TEX9: variants seen among roughly 807,000 people sequenced by gnomAD.
TEX9 encodes the protein testis-expressed protein 9.
In TEX9, 74 loss-of-function variants were observed where a neutral mutation model predicts 59.6. That is an observed-to-expected ratio of 1.24 (90% CI 1.03 to 1.51). TEX9 has a LOEUF of 1.51. Ranked by LOEUF, TEX9 falls within the 40% of genes most tolerant of loss-of-function variation. TEX9 has a pLI of 0.00. For missense variants in TEX9, 522 were observed against 447.8 expected, an observed-to-expected ratio of 1.17 and a Z score of -1.49; for synonymous variants, 186 against 152.2, an observed-to-expected ratio of 1.22 and a Z score of -1.64.
At chr15:56,247,982 A>G (rs932431866) in intron 1 of TEX9, among the ~76,000 whole-genome samples, 2 of 152,104 alleles carry the variant, frequency 1.3e-5, no homozygotes, top group Non-Finnish European at 2.9e-5. Context: ...AAGGCTTTTC[A>G]CCTCTCCCAA....
intron 8 of TEX9, 31 bp downstream of exon 8, chr15:56,394,278 A>C: frequency 6.6e-7 from 1 of 1,522,860 alleles, no homozygotes; most frequent in South Asian, 1.3e-5. Context: ...AAAAGGCTCT[A>C]ATATTCAAAG....
At chr15:56,307,969 T>C (rs2045521595) in intron 1 of TEX9, among the ~76,000 whole-genome samples, 1 of 152,244 alleles carries the variant, frequency 6.6e-6, no homozygotes, top group African/African-American at 2.4e-5. Context: ...ATTTTGTTTA[T>C]CCATTCAGTA....
intron 1 of TEX9, among the ~76,000 whole-genome samples, chr15:56,244,573 C>T (rs1258245822): frequency 1.4e-5 from 2 of 147,940 alleles, no homozygotes; most frequent in Non-Finnish European, 3.0e-5. Context: ...TTCCCCTCCA[C>T]CTCCCCACCC....
chr15:56,392,682 T>C (rs2048274063), intron 7 of TEX9, among the ~76,000 whole-genome samples: 1 of 152,188 alleles, frequency 6.6e-6, no homozygotes. Context: ...GCAGTTTTCT[T>C]CTGCACTTAC....
At chr15:56,454,958 C>T in the TEX9 span, among the ~76,000 whole-genome samples, 7 of 152,024 alleles carry the variant, frequency 4.6e-5, no homozygotes, top group Non-Finnish European at 8.8e-5. Flanking sequence ...GCTTGTAGAA[C>T]GCTGTTGAAC....
At chr15:56,244,401 C>G (rs542234486) in intron 1 of TEX9, 6 of 152,284 alleles carry the variant, frequency 3.9e-5, no homozygotes, top group East Asian at 3.9e-4. Context: ...GAGTGCTCCT[C>G]GGTCGGGCAT....
At chr15:56,339,219 C>G (rs1372252646) in intron 1 of TEX9, among the ~76,000 whole-genome samples, 5 of 151,046 alleles carry the variant, frequency 3.3e-5, no homozygotes, top group Admixed American at 3.3e-4. Flanking sequence ...CCCGACTCTA[C>G]TAAAAATACA....
At chr15:56,370,652 A>G (rs2047152854) in intron 2 of TEX9, among the ~76,000 whole-genome samples, 1 of 152,166 alleles carries the variant, frequency 6.6e-6, no homozygotes, top group Admixed American at 6.5e-5. Flanking sequence ...TTTTTAGATA[A>G]TTATGCTGGT....
At chr15:56,437,856 C>T (rs2050754786) in intron 12 of TEX9, among the ~76,000 whole-genome samples, 1 of 149,596 alleles carries the variant, frequency 6.7e-6, no homozygotes, top group East Asian at 1.9e-4. Flanking sequence ...TGAGTGAACT[C>T]GATTCACAAT....
intron 1 of TEX9, among the ~76,000 whole-genome samples, chr15:56,360,207 A>G (rs550047126): frequency 1.3e-5 from 2 of 152,300 alleles, no homozygotes; most frequent in East Asian, 3.9e-4. Context: ...TAATGTCTTT[A>G]ACTGCTCTTA....
chr15:56,422,614 T>C (rs569414518), intron 10 of TEX9, among the ~76,000 whole-genome samples: 1 of 152,004 alleles, frequency 6.6e-6, no homozygotes, highest in South Asian at 2.1e-4. Context: ...TGTCATATGT[T>C]TTATCTATAA....
chr15:56,347,683 T>A (rs2046498232), intron 1 of TEX9, among the ~76,000 whole-genome samples: 1 of 152,044 alleles, frequency 6.6e-6, no homozygotes, highest in Non-Finnish European at 1.5e-5. Context: ...CAGGTGAGAA[T>A]CTTCAGGATT....
intron 2 of TEX9, among the ~76,000 whole-genome samples, chr15:56,366,348 C>T (rs1215750364): frequency 6.6e-6 from 1 of 152,172 alleles, no homozygotes; most frequent in Non-Finnish European, 1.5e-5. Flanking sequence ...ATCTTATTCC[C>T]TCTTCCCCTT....
At chr15:56,289,225 C>A (rs1215706837) in intron 1 of TEX9, among the ~76,000 whole-genome samples, 1 of 152,108 alleles carries the variant, frequency 6.6e-6, no homozygotes, top group Non-Finnish European at 1.5e-5. Flanking sequence ...GCTTGTATGT[C>A]TCCATTTCTT....
chr15:56,349,482 G>A (rs2046533990), intron 1 of TEX9, among the ~76,000 whole-genome samples: 1 of 152,114 alleles, frequency 6.6e-6, no homozygotes, highest in African/African-American at 2.4e-5. Context: ...TTGCTCTCAT[G>A]TTCTTTAGGC....
At position 56,356,532 on chromosome 15, in the gene TEX9, G is replaced by T. The variant is rs541315351; in HGVS notation, c.-106-16909G>T. 1.6e-4 allele frequency among the ~76,000 whole-genome samples: 25 copies of T among 152,072 alleles called. No homozygotes were observed. The East Asian group carries it at 4.6e-3, about 28-fold the overall frequency. On this transcript the variant is annotated intron_variant, in intron 1 of 5. Coordinates refer to the TEX9 transcript ENST00000560827. ...TTAGAAGTGCCTTTGGTAGGCATAC[G>T]TGTGTGCCAAATCTCTTAGGTTTTA... is the stretch of plus-strand genomic sequence containing the variant.
chr15:56,318,558 TCTC>T (rs1353482349), intron 1 of TEX9, among the ~76,000 whole-genome samples: 1 of 152,122 alleles, frequency 6.6e-6, no homozygotes, highest in Non-Finnish European at 1.5e-5. Context: ...TGTCTGCTAT[TCTC>T]CATTTGTTTT....
intron 7 of TEX9, 120 bp downstream of exon 7, chr15:56,391,538 A>G (rs2048210238): frequency 7.7e-6 from 5 of 651,146 alleles, no homozygotes; most frequent in Middle Eastern, 9.7e-4. Context: ...TTTGTTTCAG[A>G]ATTATCTAGT....
chr15:56,315,356 A>T (rs1164284572), intron 1 of TEX9, among the ~76,000 whole-genome samples: 2 of 144,550 alleles, frequency 1.4e-5, no homozygotes, highest in African/African-American at 2.5e-5. Flanking sequence ...GTGGTGACAA[A>T]ATCTCTCAGC....
Sources: allele counts gnomAD v4.1 joint callset (sites outside exome capture counted in the v4.1 genomes callset), GRCh38; gene constraint gnomAD v4.1.1; transcripts MANE v1.5; gene names NCBI Gene and HGNC (gene_info 2026-07-23, HGNC 2026-07-21).